The following PCCA variants were observed in gnomAD, a reference collection of about 807,000 sequenced individuals.
PCCA encodes the protein propionyl-CoA carboxylase subunit alpha.
In PCCA, 74 loss-of-function variants were observed where a neutral mutation model predicts 101.3. The ratio of observed to expected loss-of-function variants is 0.73; its 90% confidence interval spans 0.61 to 0.89. The LOEUF (loss-of-function observed/expected upper bound fraction) is 0.89. PCCA is among the 40% of genes least tolerant of loss of function. The pLI is 0.00. For missense variants in PCCA, 891 were observed against 907.0 expected (o/e 0.98, Z 0.23); for synonymous variants, 294 against 313.6 (o/e 0.94, Z 0.66).
chr13:100,450,950 T>C (rs1192988809), intron 21 of PCCA, among the ~76,000 whole-genome samples: 4 of 152,152 alleles, frequency 2.6e-5, no homozygotes, highest in Non-Finnish European at 4.4e-5. Flanking sequence ...TGTGCGTATG[T>C]GTAGAGAGAA....
chr13:100,455,821 TC>T (rs2081666644), intron 21 of PCCA, among the ~76,000 whole-genome samples: 1 of 152,116 alleles, frequency 6.6e-6, no homozygotes, highest in African/African-American at 2.4e-5. Context: ...TGTCTCAGCC[TC>T]CCAAGTAGCT....
At chr13:100,323,821 A>G (rs556424663) in intron 16 of PCCA, among the ~76,000 whole-genome samples, 1 of 152,170 alleles carries the variant, frequency 6.6e-6, no homozygotes, top group African/African-American at 2.4e-5. Flanking sequence ...CCTGATAACA[A>G]TCATGCATAA....
intron 8 of PCCA, among the ~76,000 whole-genome samples, chr13:100,245,209 A>G (rs1291766410): frequency 1.3e-5 from 2 of 152,296 alleles, no homozygotes; most frequent in Middle Eastern, 3.4e-3. Context: ...TGAGTAATGC[A>G]TTGATAGTAG....
chr13:100,111,309 C>T (rs927295601), intron 2 of PCCA, among the ~76,000 whole-genome samples: 16 of 148,658 alleles, frequency 1.1e-4, no homozygotes, highest in Non-Finnish European at 2.2e-4. Flanking sequence ...GGATTACAGG[C>T]GTGAGCCACC....
At chr13:100,290,761 A>G (rs2065058515) in intron 12 of PCCA, among the ~76,000 whole-genome samples, 2 of 152,152 alleles carry the variant, frequency 1.3e-5, no homozygotes, top group Non-Finnish European at 2.9e-5. Flanking sequence ...TTCTCTTATG[A>G]TAACTGTCAT....
chr13:100,240,742 A>T (rs1332666469), intron 8 of PCCA, among the ~76,000 whole-genome samples: 1 of 152,196 alleles, frequency 6.6e-6, no homozygotes, highest in Non-Finnish European at 1.5e-5. Context: ...ATCTGTTCAT[A>T]TACTAATCCA....
chr13:100,184,151 A>T (rs1032794814), intron 6 of PCCA, among the ~76,000 whole-genome samples: 1 of 152,220 alleles, frequency 6.6e-6, no homozygotes, highest in African/African-American at 2.4e-5. Flanking sequence ...TTACATGAAC[A>T]GAGCAGGACT....
chr13:100,163,376 T>A (rs1304791298), intron 6 of PCCA, among the ~76,000 whole-genome samples: 53 of 152,302 alleles, frequency 3.5e-4, no homozygotes, highest in Non-Finnish European at 1.5e-5. Context: ...GGACAGGTTG[T>A]TTAATGTCGG....
intron 16 of PCCA, among the ~76,000 whole-genome samples, chr13:100,310,355 T>C (rs1014921700): frequency 6.6e-5 from 10 of 152,214 alleles, no homozygotes; most frequent in African/African-American, 2.4e-4. Flanking sequence ...GTAAGCACAT[T>C]CTATGGGGAT....
intron 15 of PCCA, 96 bp downstream of exon 15, chr13:100,307,356 T>C: frequency 1.2e-6 from 1 of 847,546 alleles, no homozygotes; most frequent in Non-Finnish European, 1.9e-6. Context: ...TCATAAGCTA[T>C]AATTAAACAA....
intron 18 of PCCA, among the ~76,000 whole-genome samples, chr13:100,366,463 A>G (rs961634824): frequency 1.3e-5 from 2 of 152,174 alleles, no homozygotes; most frequent in African/African-American, 4.8e-5. Context: ...TACAAAAATA[A>G]GGAATGATTT....
At chr13:100,488,628 GTTTTGTTTTTTTTTTGTT>G (rs2084609601) in intron 21 of PCCA, among the ~76,000 whole-genome samples, 6 of 66,998 alleles carry the variant, frequency 9.0e-5, no homozygotes, top group South Asian at 2.0e-3. Flanking sequence ...TTGTTTTTTT[GTTTTGTTTTTTTTTTGTT>G]TTTTTTTTTT....
intron 8 of PCCA, among the ~76,000 whole-genome samples, chr13:100,244,962 T>TGTGTGTGTGTGC (rs1555392072): frequency 2.1e-5 from 3 of 143,250 alleles, no homozygotes; most frequent in African/African-American, 5.3e-5. Context: ...TGTGTGTGTG[T>TGTGTGTGTGTGC]GTGCGCAGTA....
chr13:100,328,303 C>T (rs900063563), intron 16 of PCCA, among the ~76,000 whole-genome samples: 3 of 151,358 alleles, frequency 2.0e-5, no homozygotes, highest in Admixed American at 6.6e-5. Flanking sequence ...ACAGAGGTTG[C>T]AGTGAGCCGA....
At chr13:100,380,758 G>T (rs1025581492) in intron 19 of PCCA, among the ~76,000 whole-genome samples, 3 of 152,150 alleles carry the variant, frequency 2.0e-5, no homozygotes, top group Non-Finnish European at 2.9e-5. Context: ...TCAACATCAA[G>T]ATTAAAATGT....
chr13:100,530,229 A>T lies in PCCA; in HGVS notation c.*63A>T, dbSNP rs1174553918. The T allele has an allele frequency of 2.3e-6, 3 of 1,277,082 alleles. No homozygotes were observed. Among genetic ancestry groups the T allele is most frequent in the Non-Finnish European group, 3.4e-6 (3 of 875,006 alleles). The allele number at this position is 1,277,082 out of a possible 1,614,324, so 79.1% of individuals were successfully genotyped here. A position where few individuals can be genotyped will look rare whatever the true frequency, so the allele number is the denominator to read the frequency against. On this transcript the variant is annotated 3_prime_UTR_variant, in exon 24 of 24. Transcript: ENST00000376285. Reference sequence around the variant, plus strand: ...AGCCATTTGCATGATGCTTTCACACACAATTGATTCAAGCATTATACAGGA... The same window carrying T: ...AGCCATTTGCATGATGCTTTCACACTCAATTGATTCAAGCATTATACAGGA...
At chr13:100,264,423 C>T (rs891612476) in intron 10 of PCCA, among the ~76,000 whole-genome samples, 22 of 152,056 alleles carry the variant, frequency 1.4e-4, no homozygotes, top group Non-Finnish European at 1.0e-4. Flanking sequence ...TACCTGTGGC[C>T]GCCAAAAGTA....
intron 19 of PCCA, among the ~76,000 whole-genome samples, chr13:100,388,406 G>A (rs1203255312): frequency 6.6e-6 from 1 of 152,238 alleles, no homozygotes; most frequent in Non-Finnish European, 1.5e-5. Context: ...CAAGGCTGCA[G>A]TGAGCTGTGA....
chr13:100,301,656 G>A, intron 13 of PCCA, 53 bp downstream of exon 13: 1 of 1,587,670 alleles, frequency 6.3e-7, no homozygotes, highest in South Asian at 1.1e-5. Context: ...AGAGTCATGA[G>A]ACCTGGTATA....
Sources: gnomAD v4.1 joint callset for allele counts (sites outside exome capture counted in the v4.1 genomes callset) on GRCh38, gnomAD v4.1.1 for gene constraint, MANE v1.5 for transcripts, NCBI Gene and HGNC (gene_info 2026-07-23, HGNC 2026-07-21) for gene names.